FIGN: variants seen among roughly 807,000 people sequenced by gnomAD.
FIGN encodes the protein fidgetin.
A neutral mutation model predicts 51.3 loss-of-function variants in FIGN; 11 were observed. The observed-to-expected ratio is 0.21, with a 90% CI of 0.13 to 0.35. The LOEUF is 0.35. Ranked by LOEUF, FIGN falls within the 10% of genes least tolerant of loss-of-function variation. FIGN has a pLI of 1.00. For synonymous variants in FIGN, 407 were observed against 363.2 expected (o/e 1.12, Z -1.37); for missense variants, 857 against 943.6 (o/e 0.91, Z 1.20).
rs1691139798 is a variant in FIGN at position 163,607,715 on chromosome 2, A to G, written c.*1837T>C. The G allele has an allele frequency of 6.6e-6, 1 of 152,620 alleles. No homozygotes were observed. The highest frequency in any genetic ancestry group is 2.4e-5 in the African/African-American group (1 of 41,454). 9.5% of individuals were successfully genotyped at this position (152,620 alleles called of 1,614,324 possible). On this transcript the variant is annotated 3_prime_UTR_variant, in exon 3 of 3. Coordinates refer to ENST00000333129, the MANE Select transcript of FIGN (RefSeq NM_018086.4). ...TGCTTTGCAACAGTTTTGTTACTGC[A>G]TCTCTAAACTAAAAAAAGAAAAGGG...
chr2:163,640,951 A>G (rs1254022166), intron 2 of FIGN, among the ~76,000 whole-genome samples: 1 of 152,200 alleles, frequency 6.6e-6, no homozygotes, highest in Non-Finnish European at 1.5e-5. Context: ...CTTGGCATCA[A>G]GTGCTCAGTG....
intron 2 of FIGN, among the ~76,000 whole-genome samples, chr2:163,697,561 C>T (rs1451030624): frequency 1.3e-5 from 2 of 152,152 alleles, no homozygotes; most frequent in Non-Finnish European, 2.9e-5. Context: ...TCCTCTTCAA[C>T]ACTATACCTC....
intron 2 of FIGN, among the ~76,000 whole-genome samples, chr2:163,731,605 T>C (rs922177136): frequency 2.6e-5 from 4 of 151,824 alleles, no homozygotes; most frequent in African/African-American, 9.7e-5. Context: ...GAGTCTTAAA[T>C]ATAACTAAAG....
chr2:163,712,752 T>A (rs1284863861), intron 2 of FIGN, among the ~76,000 whole-genome samples: 1 of 152,216 alleles, frequency 6.6e-6, no homozygotes, highest in Non-Finnish European at 1.5e-5. Flanking sequence ...AATGTTAATG[T>A]AATCAAACAT....
At chr2:163,664,568 C>A (rs1475749973) in intron 2 of FIGN, among the ~76,000 whole-genome samples, 1 of 152,170 alleles carries the variant, frequency 6.6e-6, no homozygotes, top group South Asian at 2.1e-4. Flanking sequence ...TTTATAAGGG[C>A]AGCCAGTAGT....
chr2:163,639,721 A>C (rs545071989), intron 2 of FIGN, among the ~76,000 whole-genome samples: 2 of 152,296 alleles, frequency 1.3e-5, no homozygotes, highest in Non-Finnish European at 2.9e-5. Flanking sequence ...AAAATCTAAA[A>C]GGCATTTTTT....
rs1027395367 is a variant in FIGN, at chr2:163,655,294, A to C, written c.26-43488T>G. Among the ~76,000 whole-genome samples the C allele has an allele frequency of 1.3e-4, 20 of 152,192 alleles. No homozygotes were observed. The East Asian group carries it at 3.5e-3, about 26-fold the overall frequency. On this transcript the variant is annotated intron_variant, in intron 2 of 2. Coordinates refer to ENST00000333129, the MANE Select transcript of FIGN (RefSeq NM_018086.4). ...TAAGCACCTATCTTTGCCAGCTGTC[A>C]GAGTTATAGAGAACAATTTCATAAC... is the stretch of plus-strand genomic sequence containing the variant.
At chr2:163,687,012 TACACACACACACAC>T (rs547589971) in intron 2 of FIGN, among the ~76,000 whole-genome samples, 1 of 147,694 alleles carries the variant, frequency 6.8e-6, no homozygotes, top group Non-Finnish European at 1.5e-5. Context: ...TGAGATTGTG[TACACACACACACAC>T]ACACACACAT....
intron 2 of FIGN, among the ~76,000 whole-genome samples, chr2:163,713,170 T>C (rs972467673): frequency 1.3e-5 from 2 of 152,188 alleles, no homozygotes; most frequent in African/African-American, 4.8e-5. Flanking sequence ...GTTACACCAA[T>C]TTTGCAAATC....
chr2:163,735,117 G>A, intron 1 of FIGN, 45 bp from the exon 2 acceptor site: 5 of 551,724 alleles, frequency 9.1e-6, no homozygotes, highest in Non-Finnish European at 1.6e-5. Flanking sequence ...AACAAAAAGG[G>A]GATCTCAGAT....
chr2:163,660,774 C>T (rs187304016), intron 2 of FIGN, among the ~76,000 whole-genome samples: 2,056 of 14,172 alleles, frequency 0.15, 386 homozygotes, highest in Non-Finnish European at 0.18. Context: ...TATATGTATA[C>T]ACATATACAT....
rs773212800 is a variant in FIGN, at chr2:163,611,476, T to C, written c.356A>G (p.Tyr119Cys). Residue 119 changes from tyrosine to cysteine, a missense_variant, in exon 3 of 3, where the codon TAT becomes TGT. By Grantham distance (194) the Tyr-to-Cys change is radical. Coordinates refer to ENST00000333129, the MANE Select transcript of FIGN (RefSeq NM_018086.4). ...AACATCCGGAACACAGTTCATGGGA[T>C]AAACAGCTTCTGAATTCAAGGAAGG... ...WQPSLNSEAVYPMNCVPDVIT... is the reference protein window; with the variant it reads ...WQPSLNSEAVCPMNCVPDVIT... The C allele has an allele frequency of 5.0e-6, 8 of 1,614,196 alleles. No homozygotes were observed. Among genetic ancestry groups the C allele is most frequent in the Non-Finnish European group, 6.8e-6 (8 of 1,180,016 alleles).
chr2:163,702,085 G>A (rs566156787), intron 2 of FIGN, among the ~76,000 whole-genome samples: 1 of 152,184 alleles, frequency 6.6e-6, no homozygotes, highest in South Asian at 2.1e-4. Flanking sequence ...AATAAGCCTG[G>A]TCCAAATGAA....
At chr2:163,629,838 C>T (rs1363919724) in intron 2 of FIGN, among the ~76,000 whole-genome samples, 1 of 150,274 alleles carries the variant, frequency 6.7e-6, no homozygotes, top group Admixed American at 6.7e-5. Flanking sequence ...AGACACAATA[C>T]TGTATGAATG....
At chr2:163,625,732 G>A (rs1683045074) in intron 2 of FIGN, among the ~76,000 whole-genome samples, 1 of 151,904 alleles carries the variant, frequency 6.6e-6, no homozygotes, top group African/African-American at 2.4e-5. Context: ...CATTTTTATT[G>A]TTTTGGAGGA....
chr2:163,653,009 GAGA>G (rs761982443), intron 2 of FIGN, among the ~76,000 whole-genome samples: 63 of 152,154 alleles, frequency 4.1e-4, no homozygotes, highest in Admixed American at 2.0e-4. Flanking sequence ...ATGATTAAGA[GAGA>G]AGATTTGGAG....
chr2:163,731,769 T>A (rs1684933547), intron 2 of FIGN, among the ~76,000 whole-genome samples: 1 of 151,806 alleles, frequency 6.6e-6, no homozygotes, highest in South Asian at 2.1e-4. Context: ...ATAAACTGTG[T>A]TTTTAGGAGA....
At chr2:163,622,688 A>T (rs887870790) in intron 2 of FIGN, among the ~76,000 whole-genome samples, 11 of 152,008 alleles carry the variant, frequency 7.2e-5, no homozygotes, top group Non-Finnish European at 1.5e-4. Context: ...CAGCCTGCAG[A>T]GTAGCTGGGA....
At chr2:163,721,135 T>C (rs1441749172) in intron 2 of FIGN, among the ~76,000 whole-genome samples, 1 of 152,192 alleles carries the variant, frequency 6.6e-6, no homozygotes, top group Non-Finnish European at 1.5e-5. Flanking sequence ...CCCAATTTTC[T>C]TCTACCAGAA....
Sources: allele counts gnomAD v4.1 joint callset (sites outside exome capture counted in the v4.1 genomes callset), GRCh38; gene constraint gnomAD v4.1.1; transcripts MANE v1.5; gene names NCBI Gene and HGNC (gene_info 2026-07-23, HGNC 2026-07-21).